Variants in NMNAT2 observed in about 807,000 individuals in gnomAD.
NMNAT2 encodes the protein nicotinamide/nicotinic acid mononucleotide adenylyltransferase 2.
NMNAT2 carries 11 observed loss-of-function variants against 41.6 expected under a neutral mutation model. The ratio of observed to expected loss-of-function variants is 0.26; its 90% CI spans 0.17 to 0.44. The LOEUF is 0.44. Among genes scored for constraint, NMNAT2 ranks in the 20% least tolerant of loss-of-function variants. NMNAT2 has a pLI of 1.00. For missense variants in NMNAT2, 288 were observed against 407.7 expected, an observed-to-expected ratio of 0.71 and a Z score of 2.53; for synonymous variants, 148 against 151.2, an observed-to-expected ratio of 0.98 and a Z score of 0.16.
At chr1:183,362,972 TTTA>T (rs1557889867) in intron 1 of NMNAT2, among the ~76,000 whole-genome samples, 1 of 152,232 alleles carries the variant, frequency 6.6e-6, no homozygotes, top group Non-Finnish European at 1.5e-5. Context: ...GTCTGTCTTT[TTTA>T]TTATAGCCAT....
intron 8 of NMNAT2, among the ~76,000 whole-genome samples, chr1:183,267,851 G>A (rs896449134): frequency 1.3e-5 from 2 of 152,030 alleles, no homozygotes; most frequent in East Asian, 3.9e-4. Context: ...AATCTCATTC[G>A]TGATGGTGGC....
rs558689333 is a variant in NMNAT2, at chr1:183,343,014, A to T, written c.86-49221T>A. 3.3e-5 allele frequency among the ~76,000 whole-genome samples: 5 copies of T among 152,240 alleles called. No individual in the cohort carries two copies. The East Asian group carries it at 9.6e-4, about 29-fold the overall frequency. On this transcript the variant is annotated intron_variant, in intron 1 of 10. Transcript: ENST00000287713. ...CAACCTCCCAAAGTGCTGGGATTAC[A>T]AGTGTAAGCCATTACACCATCCAGC...
chr1:183,309,383 G>C (rs1225443887), intron 1 of NMNAT2, among the ~76,000 whole-genome samples: 1 of 152,198 alleles, frequency 6.6e-6, no homozygotes, highest in African/African-American at 2.4e-5. Context: ...AGTGGAGCAA[G>C]AGCGGAGCCA....
In NMNAT2 at chr1:183,293,747, A is replaced by G. The variant is rs1571579512; in HGVS notation, c.132T>C (p.Ile44=). 1 of 1,614,160 alleles carries G rather than the reference A, an allele frequency of 6.2e-7. No homozygotes were observed. The highest frequency in any genetic ancestry group is 2.2e-5 in the East Asian group (1 of 44,884). The stretch of plus-strand genomic sequence containing the variant: ...CGTGGACAGGGGAGACAATCCCGCC[A>G]ATCACAATAAACCTTCCAGTTTTGT... ...YLHKTGRFIV[I]GGIVSPVHDS... Residue 44 remains isoleucine, a synonymous_variant, in exon 2 of 11, where the codon ATT becomes ATC. Transcript: ENST00000287713.
At chr1:183,333,481 A>G (rs1182307828) in intron 1 of NMNAT2, among the ~76,000 whole-genome samples, 4 of 152,196 alleles carry the variant, frequency 2.6e-5, no homozygotes, top group Non-Finnish European at 4.4e-5. Context: ...TGTCAGAGTC[A>G]GAGAAGGAGA....
chr1:183,365,837 CTTGTCACGATGTTT>C (rs1440842580), intron 1 of NMNAT2, among the ~76,000 whole-genome samples: 1 of 152,152 alleles, frequency 6.6e-6, no homozygotes, highest in Non-Finnish European at 1.5e-5. Context: ...CTGGGGGACA[CTTGTCACGATGTTT>C]TTGTAGCAAG....
intron 1 of NMNAT2, among the ~76,000 whole-genome samples, chr1:183,372,348 A>G (rs1663567289): frequency 6.6e-6 from 1 of 152,234 alleles, no homozygotes; most frequent in South Asian, 2.1e-4. Flanking sequence ...ACAGAGAAAT[A>G]GACTCCACAC....
intron 4 of NMNAT2, 74 bp from the exon 5 acceptor site, chr1:183,286,862 T>A: frequency 6.6e-7 from 1 of 1,513,970 alleles, no homozygotes; most frequent in East Asian, 2.3e-5. Context: ...CAAGTGGTCA[T>A]CTGCTTGTCC....
rs980529629 is a variant in NMNAT2, at chr1:183,280,093, C to T, written c.575-1464G>A. On this transcript the variant is annotated intron_variant, in intron 7 of 10. Coordinates refer to ENST00000287713, the MANE Select transcript of NMNAT2 (RefSeq NM_015039.4). ...GGAGAATGTTTGCCTGAGTCAGTGG[C>T]GCCTCTGCGTTGCGCCATAGGATTT... Among the ~76,000 whole-genome samples, 4 of 152,210 alleles carry T rather than the reference C, an allele frequency of 2.6e-5. No homozygotes were observed. The East Asian group carries it at 5.8e-4, about 22-fold the overall frequency.
intron 1 of NMNAT2, among the ~76,000 whole-genome samples, chr1:183,362,423 C>T (rs1663325467): frequency 6.6e-6 from 1 of 152,166 alleles, no homozygotes. Flanking sequence ...TTGCCATTCC[C>T]CACCGCCCCC....
At chr1:183,270,768 G>C (rs570197957) in intron 8 of NMNAT2, among the ~76,000 whole-genome samples, 4 of 152,158 alleles carry the variant, frequency 2.6e-5, no homozygotes, top group Admixed American at 6.5e-5. Context: ...GGTATCAGTC[G>C]TATCAGTGTG....
intron 1 of NMNAT2, among the ~76,000 whole-genome samples, chr1:183,398,872 A>T (rs189568860): frequency 1.3e-5 from 2 of 152,250 alleles, no homozygotes; most frequent in African/African-American, 2.4e-5. Context: ...GTGAGAACAA[A>T]GACACAACAT....
At chr1:183,353,486 T>C (rs1359933454) in intron 1 of NMNAT2, among the ~76,000 whole-genome samples, 2 of 152,156 alleles carry the variant, frequency 1.3e-5, no homozygotes, top group African/African-American at 4.8e-5. Context: ...TCTCACTCCA[T>C]TGGAGACTTA....
chr1:183,383,708 C>T lies in NMNAT2; in HGVS notation c.85+34475G>A, dbSNP rs115720494. 2.5e-3 allele frequency among the ~76,000 whole-genome samples: 379 copies of T among 152,310 alleles called. 2 individuals are homozygous for T. The highest frequency in any genetic ancestry group is 8.9e-3 in the African/African-American group (369 of 41,568). On this transcript the variant is annotated intron_variant, in intron 1 of 10. Coordinates refer to ENST00000287713, the MANE Select transcript of NMNAT2 (RefSeq NM_015039.4). ...GGGCACAATGCCTCCAATCTCTTTG[C>T]TAATGTGTAACAGAAGTTACCTTTG... is the stretch of plus-strand genomic sequence containing the variant.
intron 8 of NMNAT2, among the ~76,000 whole-genome samples, chr1:183,275,458 G>A (rs943720320): frequency 1.3e-5 from 2 of 151,842 alleles, no homozygotes; most frequent in African/African-American, 4.8e-5. Context: ...GCTCTAGAAA[G>A]CCCTCTGAAG....
intron 1 of NMNAT2, among the ~76,000 whole-genome samples, chr1:183,313,537 TG>T (rs1290617912): frequency 6.6e-6 from 1 of 150,732 alleles, no homozygotes; most frequent in Non-Finnish European, 1.5e-5. Context: ...TGGAGTGCAG[TG>T]GTGCAATCTT....
chr1:183,363,910 T>C (rs1006478064), intron 1 of NMNAT2, among the ~76,000 whole-genome samples: 1 of 152,216 alleles, frequency 6.6e-6, no homozygotes, highest in Non-Finnish European at 1.5e-5. Flanking sequence ...GGATAGAATG[T>C]TTAATTTCCT....
intron 4 of NMNAT2, 60 bp downstream of exon 4, chr1:183,290,068 C>T: frequency 3.6e-6 from 5 of 1,391,390 alleles, no homozygotes; most frequent in Non-Finnish European, 5.0e-6. Flanking sequence ...TCTGTGGGTC[C>T]AGCCCCTTCC....
At chr1:183,382,997 C>T (rs1029564171) in intron 1 of NMNAT2, among the ~76,000 whole-genome samples, 1 of 152,214 alleles carries the variant, frequency 6.6e-6, no homozygotes, top group Non-Finnish European at 1.5e-5. Context: ...TAGAGGTTCT[C>T]CATGAGGGCT....
Sources: gnomAD v4.1 joint callset for allele counts (sites outside exome capture counted in the v4.1 genomes callset) on GRCh38, gnomAD v4.1.1 for gene constraint, MANE v1.5 for transcripts, NCBI Gene and HGNC (gene_info 2026-07-23, HGNC 2026-07-21) for gene names.